The following TBC1D5 variants were observed in gnomAD, a reference collection of about 807,000 sequenced individuals.
TBC1D5 encodes the protein TBC1 domain family member 5, also known as TBC1 domain family, member 5.
A neutral mutation model predicts 100.3 loss-of-function variants in TBC1D5; 75 were observed. That is an observed-to-expected ratio of 0.75 (90% CI 0.62 to 0.91). TBC1D5 has a LOEUF of 0.91. Ranked by LOEUF, TBC1D5 falls within the 40% of genes least tolerant of loss-of-function variation. TBC1D5 has a pLI of 0.00. For missense variants in TBC1D5, 910 were observed against 942.4 expected, an observed-to-expected ratio of 0.97 and a Z score of 0.45; for synonymous variants, 323 against 325.6, an observed-to-expected ratio of 0.99 and a Z score of 0.09.
intron 1 of TBC1D5, among the ~76,000 whole-genome samples, chr3:17,682,042 C>A (rs1451885065): frequency 6.6e-6 from 1 of 151,376 alleles, no homozygotes; most frequent in Non-Finnish European, 1.5e-5. Context: ...CCATCCCTAC[C>A]CTTCCCCCCA....
intron 1 of TBC1D5, among the ~76,000 whole-genome samples, chr3:17,730,246 G>C (rs564922500): frequency 5.3e-5 from 8 of 152,092 alleles, no homozygotes; most frequent in African/African-American, 1.7e-4. Context: ...ATTAAGTAAA[G>C]TTGCAAATTC....
At chr3:17,192,985 A>G (rs1435089729) in intron 18 of TBC1D5, among the ~76,000 whole-genome samples, 1 of 152,260 alleles carries the variant, frequency 6.6e-6, no homozygotes, top group Non-Finnish European at 1.5e-5. Flanking sequence ...TGAAGGCTAC[A>G]GCAAAGTCAC....
chr3:17,213,073 GT>G (rs2073173717), intron 18 of TBC1D5, among the ~76,000 whole-genome samples: 1 of 152,036 alleles, frequency 6.6e-6, no homozygotes, highest in Non-Finnish European at 1.5e-5. Context: ...CCCTAGACAG[GT>G]GTACCATTTT....
At chr3:17,687,318 G>A (rs975916532) in intron 1 of TBC1D5, among the ~76,000 whole-genome samples, 18 of 152,166 alleles carry the variant, frequency 1.2e-4, no homozygotes, top group African/African-American at 4.3e-4. Flanking sequence ...GCCAGACATG[G>A]TGGCTCACAC....
chr3:17,508,445 T>G, intron 3 of TBC1D5, 29 bp downstream of exon 3: 1 of 1,573,068 alleles, frequency 6.4e-7, no homozygotes, highest in Non-Finnish European at 8.7e-7. Flanking sequence ...GTACACTACC[T>G]ACAAATAGTA....
At chr3:17,210,722 A>G (rs554657939) in intron 18 of TBC1D5, among the ~76,000 whole-genome samples, 92 of 152,188 alleles carry the variant, frequency 6.0e-4, no homozygotes, top group African/African-American at 1.6e-3. Flanking sequence ...CTTAAAACTC[A>G]GTTATTTTAT....
At chr3:17,559,175 G>A (rs1368133533) in intron 2 of TBC1D5, among the ~76,000 whole-genome samples, 3 of 151,062 alleles carry the variant, frequency 2.0e-5, no homozygotes, top group Non-Finnish European at 4.4e-5. Flanking sequence ...ACAATGTCTC[G>A]CTCTGTTGCC....
intron 15 of TBC1D5, among the ~76,000 whole-genome samples, chr3:17,261,691 C>A (rs914000140): frequency 3.3e-5 from 5 of 152,062 alleles, no homozygotes; most frequent in South Asian, 2.1e-4. Flanking sequence ...CTAGATAATT[C>A]TTTTATTGTT....
At chr3:17,729,161 A>T (rs879358914) in intron 1 of TBC1D5, among the ~76,000 whole-genome samples, 1 of 152,026 alleles carries the variant, frequency 6.6e-6, no homozygotes, top group African/African-American at 2.4e-5. Flanking sequence ...ACCCTCTGAT[A>T]GCAATGTTCT....
chr3:17,188,082 T>A (rs1015712464), intron 18 of TBC1D5, among the ~76,000 whole-genome samples: 1 of 152,154 alleles, frequency 6.6e-6, no homozygotes, highest in Non-Finnish European at 1.5e-5. Context: ...CAGTGAGGTG[T>A]TGAACAGCTG....
intron 13 of TBC1D5, among the ~76,000 whole-genome samples, chr3:17,359,016 A>G (rs2151843740): frequency 6.6e-6 from 1 of 152,178 alleles, no homozygotes; most frequent in East Asian, 1.9e-4. Context: ...ATAACAAATA[A>G]TATTTCTTTT....
intron 2 of TBC1D5, among the ~76,000 whole-genome samples, chr3:17,528,280 A>G (rs1012650493): frequency 6.6e-6 from 1 of 152,182 alleles, no homozygotes; most frequent in South Asian, 2.1e-4. Context: ...CGCCATCAGG[A>G]CTTCACCCTA....
intron 2 of TBC1D5, among the ~76,000 whole-genome samples, chr3:17,613,152 T>TG (rs1240831500): frequency 9.9e-5 from 15 of 152,052 alleles, no homozygotes; most frequent in Non-Finnish European, 2.1e-4. Context: ...TTTCTGTCCT[T>TG]GAGATAGTTT....
At position 17,246,414 on chromosome 3, in the gene TBC1D5, T is replaced by C. The variant is rs528308655; in HGVS notation, c.1332-7995A>G. 1.5e-4 allele frequency among the ~76,000 whole-genome samples: 23 copies of C among 152,256 alleles called. No individual in the cohort carries two copies. In the South Asian group the frequency reaches 3.7e-3, roughly 25 times the overall value. On this transcript the variant is annotated intron_variant, in intron 16 of 21. Coordinates refer to ENST00000253692, the Ensembl canonical transcript of TBC1D5. ...AAAATCCCAACAATTTTTATAGAAA[T>C]TGGAAAGTTGATTGTAAAATTTATA...
At chr3:17,406,872 C>T (rs1262095641) in intron 4 of TBC1D5, among the ~76,000 whole-genome samples, 1 of 151,960 alleles carries the variant, frequency 6.6e-6, no homozygotes, top group Non-Finnish European at 1.5e-5. Flanking sequence ...AACATACCTG[C>T]TCCAAAAATA....
At chr3:17,470,488 T>C (rs923154403) in intron 3 of TBC1D5, among the ~76,000 whole-genome samples, 1 of 152,234 alleles carries the variant, frequency 6.6e-6, no homozygotes, top group African/African-American at 2.4e-5. Flanking sequence ...AATGATGCAG[T>C]ATATCTATAT....
intron 2 of TBC1D5, among the ~76,000 whole-genome samples, chr3:17,519,518 C>G (rs1371556798): frequency 6.6e-6 from 1 of 152,168 alleles, no homozygotes; most frequent in Non-Finnish European, 1.5e-5. Flanking sequence ...TTACCTTATG[C>G]ATAACTCCAC....
intron 2 of TBC1D5, among the ~76,000 whole-genome samples, chr3:17,532,621 T>C (rs979670401): frequency 1.3e-5 from 2 of 152,036 alleles, no homozygotes; most frequent in Non-Finnish European, 2.9e-5. Context: ...ATTAAGAAAA[T>C]GTGGCACATA....
chr3:17,484,948 T>C (rs904967303), intron 3 of TBC1D5, among the ~76,000 whole-genome samples: 4 of 152,136 alleles, frequency 2.6e-5, no homozygotes, highest in Non-Finnish European at 4.4e-5. Flanking sequence ...GAGAATAATA[T>C]ATTCAATGAC....
Sources: gnomAD v4.1 joint callset for allele counts (sites outside exome capture counted in the v4.1 genomes callset) on GRCh38, gnomAD v4.1.1 for gene constraint, MANE v1.5 for transcripts, NCBI Gene and HGNC (gene_info 2026-07-23, HGNC 2026-07-21) for gene names.